The following PCBP3 variants were observed in gnomAD, a reference collection of about 807,000 sequenced individuals.
The protein encoded by PCBP3 is poly(rC)-binding protein 3.
In PCBP3, 25 loss-of-function variants were observed where a neutral mutation model predicts 52.7. The ratio of observed to expected loss-of-function variants is 0.47; its 90% CI spans 0.35 to 0.66. The LOEUF is 0.66. Ranked by LOEUF, PCBP3 falls within the 30% of genes least tolerant of loss-of-function variation. PCBP3 has a pLI of 0.01. For missense variants in PCBP3, 391 were observed against 490.3 expected, an observed-to-expected ratio of 0.80 and a Z score of 1.91; for synonymous variants, 162 against 183.0, an observed-to-expected ratio of 0.89 and a Z score of 0.93.
chr21:45,655,940 G>C (rs1051905483), intron 1 of PCBP3, among the ~76,000 whole-genome samples: 23 of 152,322 alleles, frequency 1.5e-4, no homozygotes, highest in African/African-American at 5.1e-4. Flanking sequence ...AAACCACAAT[G>C]AGATACCGTC....
At chr21:45,862,103 C>A (rs2094532436) in intron 5 of PCBP3, among the ~76,000 whole-genome samples, 1 of 149,558 alleles carries the variant, frequency 6.7e-6, no homozygotes, top group Non-Finnish European at 1.5e-5. Context: ...GGCACTGGTC[C>A]ATTTCTGAGA....
chr21:45,693,444 A>G (rs908601180), intron 2 of PCBP3, among the ~76,000 whole-genome samples: 1 of 152,136 alleles, frequency 6.6e-6, no homozygotes, highest in Non-Finnish European at 1.5e-5. Context: ...GGAATAGCCC[A>G]TAAAGGAACA....
chr21:45,767,207 C>T (rs936933217), intron 4 of PCBP3, among the ~76,000 whole-genome samples: 1 of 152,082 alleles, frequency 6.6e-6, no homozygotes, highest in African/African-American at 2.4e-5. Flanking sequence ...GTTAAGCAGT[C>T]CCTCCCAATC....
chr21:45,714,916 G>A (rs2084106580), intron 2 of PCBP3, among the ~76,000 whole-genome samples: 1 of 152,200 alleles, frequency 6.6e-6, no homozygotes, highest in African/African-American at 2.4e-5. Context: ...AGAACTAGTG[G>A]ATGCCCATGG....
At chr21:45,780,133 C>G (rs963030477) in intron 4 of PCBP3, among the ~76,000 whole-genome samples, 4 of 152,342 alleles carry the variant, frequency 2.6e-5, no homozygotes, top group Admixed American at 2.0e-4. Flanking sequence ...ATTTCAATCT[C>G]TAAAACTCAA....
At chr21:45,665,265 A>G (rs933092472) in intron 1 of PCBP3, among the ~76,000 whole-genome samples, 2 of 152,048 alleles carry the variant, frequency 1.3e-5, no homozygotes, top group Non-Finnish European at 2.9e-5. Flanking sequence ...AAAATTAGAC[A>G]GGCATGGTGG....
intron 5 of PCBP3, among the ~76,000 whole-genome samples, chr21:45,886,579 G>T (rs59783914): frequency 6.0e-5 from 3 of 50,342 alleles, no homozygotes; most frequent in Non-Finnish European, 1.1e-4. Context: ...CCTCATTGCC[G>T]CTGGTACCAA....
At chr21:45,808,215 G>A (rs1296141521) in intron 4 of PCBP3, among the ~76,000 whole-genome samples, 1 of 152,160 alleles carries the variant, frequency 6.6e-6, no homozygotes. Flanking sequence ...AAACTAAAGA[G>A]CTTCTGCACA....
At position 45,904,783 on chromosome 21, in the gene PCBP3, G is replaced by A. The variant is rs1027357360; in HGVS notation, c.339+3670G>A. On this transcript the variant is annotated intron_variant, in intron 9 of 17. Coordinates refer to ENST00000681687, the MANE Select transcript of PCBP3 (RefSeq NM_001384156.1). This position sits in a 1 kb window ranked among gnomAD's most constrained non-coding sequence, Gnocchi z 4.8. ...AAGGTGCTCAGAGGGCCCTTGAGTC[G>A]TCGCTCTGGGGCCGTGTCTCACCCT... Among the ~76,000 whole-genome samples, 3 of 152,160 alleles carry A rather than the reference G, an allele frequency of 2.0e-5. No individual in the cohort carries two copies. Among genetic ancestry groups the A allele is most frequent in the Non-Finnish European group, 2.9e-5 (2 of 68,030 alleles).
chr21:45,698,344 T>C (rs2079263518), intron 2 of PCBP3, among the ~76,000 whole-genome samples: 1 of 152,262 alleles, frequency 6.6e-6, no homozygotes, highest in Admixed American at 6.5e-5. Flanking sequence ...GTTCATGCAT[T>C]AGCCTCCCAT....
chr21:45,761,982 C>T (rs987441682), intron 4 of PCBP3: 2 of 152,276 alleles, frequency 1.3e-5, no homozygotes, highest in African/African-American at 2.4e-5. Context: ...GACACAGGCT[C>T]GTGCATTGTG....
At chr21:45,766,650 T>C (rs1222026404) in intron 4 of PCBP3, among the ~76,000 whole-genome samples, 1 of 152,190 alleles carries the variant, frequency 6.6e-6, no homozygotes, top group Non-Finnish European at 1.5e-5. Context: ...CAGCCTGCAG[T>C]TGGCCTGTGT....
chr21:45,910,945 A>G lies in PCBP3; in HGVS notation c.515A>G (p.Asn172Ser). The G allele has an allele frequency of 6.2e-7, 1 of 1,610,886 alleles. No individual in the cohort carries two copies. Among genetic ancestry groups the G allele is most frequent in the Non-Finnish European group, 8.5e-7 (1 of 1,179,556 alleles). Reference sequence around the variant, plus strand: ...CAGGTGGCTGGGGACATGCTGCCCAACTCCACGGAGCGAGCGGTGACCATC... The same window carrying G: ...CAGGTGGCTGGGGACATGCTGCCCAGCTCCACGGAGCGAGCGGTGACCATC... Reference protein sequence around the residue: ...QVQVAGDMLPNSTERAVTISG... With the variant: ...QVQVAGDMLPSSTERAVTISG... Residue 172 changes from asparagine (N) to serine (S), a missense_variant, in exon 11 of 18, where the codon AAC becomes AGC. By Grantham distance (46) the Asn-to-Ser change is conservative (BLOSUM62 1). Coordinates refer to ENST00000681687, the MANE Select transcript of PCBP3 (RefSeq NM_001384156.1).
intron 12 of PCBP3, chr21:45,915,323 G>A (rs954598959): frequency 9.9e-5 from 15 of 152,238 alleles, no homozygotes; most frequent in African/African-American, 3.6e-4. Context: ...GGGTCACACG[G>A]AGTCACACGG....
chr21:45,729,209 T>G (rs571580302), intron 2 of PCBP3, among the ~76,000 whole-genome samples: 1 of 152,324 alleles, frequency 6.6e-6, no homozygotes, highest in East Asian at 1.9e-4. Context: ...TTAGCCCCGC[T>G]TGGAGGTTCA....
intron 4 of PCBP3, among the ~76,000 whole-genome samples, chr21:45,840,100 TTG>T (rs759444385): frequency 6.6e-6 from 1 of 152,080 alleles, no homozygotes; most frequent in African/African-American, 2.4e-5. Context: ...GCTGTACAAT[TTG>T]TGTGTGTGTG....
chr21:45,758,616 G>A (rs2088304756), intron 4 of PCBP3, among the ~76,000 whole-genome samples: 1 of 151,938 alleles, frequency 6.6e-6, no homozygotes, highest in Non-Finnish European at 1.5e-5. Flanking sequence ...CTTGGCTAGT[G>A]TATATAATAA....
intron 1 of PCBP3, among the ~76,000 whole-genome samples, chr21:45,658,153 A>G (rs1569084257): frequency 6.6e-6 from 1 of 152,182 alleles, no homozygotes. Flanking sequence ...TCCTGCATCT[A>G]TACTGTTATT....
intron 2 of PCBP3, among the ~76,000 whole-genome samples, chr21:45,671,542 A>G (rs1485510451): frequency 6.6e-6 from 1 of 152,202 alleles, no homozygotes; most frequent in Non-Finnish European, 1.5e-5. Flanking sequence ...AAGTATTATG[A>G]AGGCATCTAT....
Sources: gnomAD v4.1 joint callset for allele counts (sites outside exome capture counted in the v4.1 genomes callset) on GRCh38, gnomAD v4.1.1 for gene constraint, Gnocchi (gnomAD v3.1) non-coding constraint, MANE v1.5 for transcripts, NCBI Gene and HGNC (gene_info 2026-07-23, HGNC 2026-07-21) for gene names.